PRKCZ: variants seen among roughly 807,000 people sequenced by gnomAD.
The protein encoded by PRKCZ is protein kinase C zeta type.
A neutral mutation model predicts 79.5 loss-of-function variants in PRKCZ; 33 were observed. The ratio of observed to expected loss-of-function variants is 0.41; its 90% CI spans 0.31 to 0.55. The LOEUF (loss-of-function observed/expected upper bound fraction) is 0.55, where lower values mean the gene tolerates loss of function less well. PRKCZ is among the 20% of genes least tolerant of loss of function. The pLI is 0.19. For missense variants in PRKCZ, 578 were observed against 813.5 expected, an observed-to-expected ratio of 0.71 and a Z score of 3.52; for synonymous variants, 342 against 320.9, an observed-to-expected ratio of 1.07 and a Z score of -0.70.
rs1208734477 is a variant in PRKCZ, at chr1:2,124,333, G to A, written c.335-10929G>A. ...GGGTCACGGTGGTGGTTAGGGTCACGGTGGTGGTTAGGGTCACGGCGGTGG... is the reference window on the plus strand; with the variant it reads ...GGGTCACGGTGGTGGTTAGGGTCACAGTGGTGGTTAGGGTCACGGCGGTGG... On this transcript the variant is annotated intron_variant, in intron 4 of 17. Coordinates refer to ENST00000378567, the MANE Select transcript of PRKCZ (RefSeq NM_002744.6). Among the ~76,000 whole-genome samples, 2 of 95,466 alleles carry A rather than the reference G, an allele frequency of 2.1e-5. 1 individual carries two copies. The highest frequency in any genetic ancestry group is 5.2e-5 in the Non-Finnish European group (2 of 38,762). The allele number at this position is 95,466 out of a possible 152,430, so 62.6% of individuals were successfully genotyped here.
At chr1:2,074,262 C>T (rs1193313780) in intron 4 of PRKCZ, 1 of 1,550,266 alleles carries the variant, frequency 6.5e-7, no homozygotes, top group Non-Finnish European at 8.7e-7. Context: ...ACATGCTCAC[C>T]CCGAGGACGG....
At chr1:2,181,545 C>T (rs1051081847) in intron 16 of PRKCZ, among the ~76,000 whole-genome samples, 15 of 152,206 alleles carry the variant, frequency 9.9e-5, no homozygotes, top group Non-Finnish European at 1.9e-4. Context: ...CACCATGGGT[C>T]CCGACCTGGA....
chr1:2,141,803 G>T, intron 5 of PRKCZ: 1 of 187,990 alleles, frequency 5.3e-6, no homozygotes, highest in Non-Finnish European at 1.1e-5. Context: ...AATGGTTTTA[G>T]AAATGGAAGC....
chr1:2,135,654 T>C (rs903145550), intron 5 of PRKCZ, among the ~76,000 whole-genome samples: 69 of 152,330 alleles, frequency 4.5e-4, no homozygotes, highest in Middle Eastern at 3.4e-3. Context: ...CCTGCCTGCA[T>C]CCAGAGTGGG....
In PRKCZ at chr1:2,128,798, G is replaced by A. The variant is rs1011127591; in HGVS notation, c.335-6464G>A. On this transcript the variant is annotated intron_variant, in intron 4 of 17. Coordinates refer to ENST00000378567, the MANE Select transcript of PRKCZ (RefSeq NM_002744.6). This position sits in a 1 kb window ranked among gnomAD's most constrained non-coding sequence, Gnocchi z 6.5. ...CCAGGCTGTGTCCACACGTACCCCCGGAAGGACCTCCTGCTAACCTGGGCT... is the reference window on the plus strand; with the variant it reads ...CCAGGCTGTGTCCACACGTACCCCCAGAAGGACCTCCTGCTAACCTGGGCT... Among the ~76,000 whole-genome samples the A allele has an allele frequency of 1.3e-5, 2 of 152,118 alleles. No individual in the cohort carries two copies. Among genetic ancestry groups the A allele is most frequent in the Non-Finnish European group, 2.9e-5 (2 of 68,020 alleles).
intron 8 of PRKCZ, 59 bp from the exon 9 acceptor site, chr1:2,150,731 C>T (rs1218640474): frequency 4.6e-6 from 7 of 1,523,644 alleles, no homozygotes; most frequent in Non-Finnish European, 6.3e-6. Flanking sequence ...GATGCGTGGT[C>T]CTCTGAGTCT....
chr1:2,144,094 C>T, intron 5 of PRKCZ, 116 bp from the exon 6 acceptor site: 1 of 1,414,706 alleles, frequency 7.1e-7, no homozygotes, highest in South Asian at 1.4e-5. Context: ...GCCGGGGCCA[C>T]CTGTTGCCCG....
chr1:2,092,212 C>CCCTGTTTT (rs1277397580), intron 4 of PRKCZ, among the ~76,000 whole-genome samples: 2 of 152,082 alleles, frequency 1.3e-5, no homozygotes, highest in African/African-American at 2.4e-5. Context: ...GCCGCCCTCC[C>CCCTGTTTT]CCTGTTTTCC....
At chr1:2,155,261 G>A (rs1680734357) in intron 9 of PRKCZ, among the ~76,000 whole-genome samples, 1 of 150,088 alleles carries the variant, frequency 6.7e-6, no homozygotes, top group South Asian at 2.1e-4. Flanking sequence ...TGATGACATT[G>A]AGGATGACGG....
chr1:2,135,438 C>T (rs1675990830), intron 5 of PRKCZ, 91 bp downstream of exon 5: 3 of 1,235,176 alleles, frequency 2.4e-6, no homozygotes, highest in Admixed American at 2.7e-5. Flanking sequence ...CCCGCTGAGC[C>T]CAGGCTGGGC....
chr1:2,135,125 T>C (rs1675912418), intron 4 of PRKCZ, 137 bp from the exon 5 acceptor site: 2 of 680,732 alleles, frequency 2.9e-6, no homozygotes, highest in Non-Finnish European at 4.9e-6. Flanking sequence ...GAGGCCGTCA[T>C]TCCAGCCCTG....
At chr1:2,148,262 C>G (rs1480478218) in intron 7 of PRKCZ, among the ~76,000 whole-genome samples, 4 of 151,674 alleles carry the variant, frequency 2.6e-5, no homozygotes, top group African/African-American at 9.7e-5. Flanking sequence ...CCACTGACCT[C>G]TCCATCTATC....
In PRKCZ at chr1:2,119,213, CTTTTTTT is replaced by C. The variant is rs201938015; in HGVS notation, c.335-16037_335-16031del. ...ATAACAGTTTAATTCTTATTTTTTC[CTTTTTTT>C]TTTTTTTTTTTGAGATGGAGTGTCA... On this transcript the variant is annotated intron_variant, in intron 4 of 17. Coordinates refer to ENST00000378567, the MANE Select transcript of PRKCZ (RefSeq NM_002744.6). 3.8e-3 allele frequency among the ~76,000 whole-genome samples: 479 copies of C among 126,420 alleles called. 13 individuals are homozygous for C. The East Asian group carries it at 0.071, about 19-fold the overall frequency. 82.9% of individuals were successfully genotyped at this position (126,420 alleles called of 152,430 possible).
chr1:2,059,530 C>T lies in PRKCZ; in HGVS notation c.284-11C>T. 1 of 1,614,164 alleles carries T rather than the reference C, an allele frequency of 6.2e-7. No homozygotes were observed. The highest frequency in any genetic ancestry group is 1.1e-5 in the South Asian group (1 of 91,080). On this transcript the variant is annotated splice_polypyrimidine_tract_variant and intron_variant, in intron 3 of 17. Transcript: ENST00000378567. The stretch of plus-strand genomic sequence containing the variant: ...GGGTCTTGACGCTGTCTCTTTCTCT[C>T]TCTTGTCCAGTTTTCCCGAGCACCC...
chr1:2,176,065 CAG>C (rs1298889768), intron 16 of PRKCZ, among the ~76,000 whole-genome samples: 1 of 152,046 alleles, frequency 6.6e-6, no homozygotes, highest in Non-Finnish European at 1.5e-5. Flanking sequence ...AGTCTGTGGA[CAG>C]GGTGCGACGT....
intron 4 of PRKCZ, among the ~76,000 whole-genome samples, chr1:2,124,763 AC>A (rs1466155854): frequency 6.8e-6 from 1 of 148,056 alleles, no homozygotes; most frequent in African/African-American, 2.5e-5. Context: ...TTTCTGTGTG[AC>A]CTCCGAAGGG....
In PRKCZ at chr1:2,096,075, G is replaced by A. The variant is rs1666457787; in HGVS notation, c.334+36484G>A. ...CAGCCAGGCAGGGTCTCCTGCAGGA[G>A]CAGGCATAGTCCCAGGGAGCAGGCA... On this transcript the variant is annotated intron_variant, in intron 4 of 17. Coordinates refer to ENST00000378567, the MANE Select transcript of PRKCZ (RefSeq NM_002744.6). Among the ~76,000 whole-genome samples, 4 of 151,542 alleles carry A rather than the reference G, an allele frequency of 2.6e-5. No homozygotes were observed. In the South Asian group the frequency reaches 8.4e-4, roughly 32 times the overall value.
intron 5 of PRKCZ, among the ~76,000 whole-genome samples, chr1:2,137,739 C>T (rs1347149839): frequency 1.3e-4 from 20 of 152,224 alleles, no homozygotes. Flanking sequence ...CTGCCGATGG[C>T]AGGTGCAGAC....
chr1:2,101,827 C>T (rs1225294547), intron 4 of PRKCZ, among the ~76,000 whole-genome samples: 5 of 152,296 alleles, frequency 3.3e-5, no homozygotes, highest in East Asian at 1.9e-4. Context: ...GTGATCGAGA[C>T]GCACAGTAGA....
Sources: gnomAD v4.1 joint callset for allele counts (sites outside exome capture counted in the v4.1 genomes callset) on GRCh38, gnomAD v4.1.1 for gene constraint, Gnocchi (gnomAD v3.1) non-coding constraint, MANE v1.5 for transcripts, NCBI Gene and HGNC (gene_info 2026-07-23, HGNC 2026-07-21) for gene names.